ZNF804B: variants seen among roughly 807,000 people sequenced by gnomAD.
The protein encoded by ZNF804B is zinc finger protein 804B.
Under a neutral mutation model 101.4 loss-of-function variants are expected in ZNF804B, and 80 were observed. The ratio of observed to expected loss-of-function variants is 0.79; its 90% CI spans 0.66 to 0.95. The LOEUF is 0.95. ZNF804B is among the 40% of genes least tolerant of loss of function. The probability of loss-of-function intolerance (pLI) is 0.00; values close to 1 mark genes in which losing one functional copy is unlikely to be tolerated. For missense variants in ZNF804B, 1,673 were observed against 1,561.9 expected, an observed-to-expected ratio of 1.07 and a Z score of -1.20; for synonymous variants, 622 against 558.8, an observed-to-expected ratio of 1.11 and a Z score of -1.59.
intron 2 of ZNF804B, among the ~76,000 whole-genome samples, chr7:89,277,053 G>T (rs899824354): frequency 6.6e-6 from 1 of 150,414 alleles, no homozygotes; most frequent in African/African-American, 2.4e-5. Flanking sequence ...AGCAACTTTG[G>T]TCTGTTGTCA....
chr7:89,028,648 C>T (rs1199721340), intron 1 of ZNF804B, among the ~76,000 whole-genome samples: 3 of 152,084 alleles, frequency 2.0e-5, no homozygotes, highest in East Asian at 1.9e-4. Context: ...ATACAGTAAG[C>T]GTGCCATAAA....
chr7:88,794,070 A>C, intron 1 of ZNF804B: 2 of 766,200 alleles, frequency 2.6e-6, no homozygotes, highest in Non-Finnish European at 4.1e-6. Flanking sequence ...ACCTCTGTGT[A>C]TATTGCAATG....
chr7:89,171,370 C>T (rs1396980202), intron 1 of ZNF804B, among the ~76,000 whole-genome samples: 2 of 121,210 alleles, frequency 1.7e-5, no homozygotes, highest in African/African-American at 6.4e-5. Flanking sequence ...TCCTCTTCCT[C>T]TTCTTCCTCT....
At chr7:89,058,938 C>A (rs930298829) in intron 1 of ZNF804B, among the ~76,000 whole-genome samples, 38 of 106,714 alleles carry the variant, frequency 3.6e-4, no homozygotes, top group Non-Finnish European at 1.3e-4. Flanking sequence ...AAGTGATCTT[C>A]GAAGTTTGGC....
At chr7:88,805,447 A>G (rs1790669340) in intron 1 of ZNF804B, among the ~76,000 whole-genome samples, 1 of 152,146 alleles carries the variant, frequency 6.6e-6, no homozygotes, top group Non-Finnish European at 1.5e-5. Context: ...ATTATCCTGA[A>G]ACCTTCCCAG....
At chr7:88,916,018 T>G (rs1055784917) in intron 1 of ZNF804B, among the ~76,000 whole-genome samples, 1 of 151,996 alleles carries the variant, frequency 6.6e-6, no homozygotes, top group Non-Finnish European at 1.5e-5. Context: ...TCACCTTAAA[T>G]TTTTCCTGTA....
At chr7:89,304,242 A>G (rs1790526548) in intron 2 of ZNF804B, among the ~76,000 whole-genome samples, 1 of 151,814 alleles carries the variant, frequency 6.6e-6, no homozygotes. Flanking sequence ...ATAAGCAACA[A>G]TTGACAAGCA....
At chr7:88,980,380 G>A (rs1306511964) in intron 1 of ZNF804B, among the ~76,000 whole-genome samples, 1 of 151,964 alleles carries the variant, frequency 6.6e-6, no homozygotes, top group Non-Finnish European at 1.5e-5. Context: ...TTGGTGTTTG[G>A]GCATTGAGGA....
At chr7:88,890,800 T>G (rs1792203909) in intron 1 of ZNF804B, among the ~76,000 whole-genome samples, 1 of 152,164 alleles carries the variant, frequency 6.6e-6, no homozygotes, top group African/African-American at 2.4e-5. Context: ...TTCATTTTAT[T>G]ATAAATAACA....
At chr7:89,192,296 G>A (rs1231558485) in intron 1 of ZNF804B, among the ~76,000 whole-genome samples, 5 of 151,658 alleles carry the variant, frequency 3.3e-5, no homozygotes, top group Middle Eastern at 3.4e-3. Context: ...CCCCTGTACC[G>A]CTTCTTTCCC....
At chr7:88,837,926 GTTA>G (rs1791239357) in intron 1 of ZNF804B, among the ~76,000 whole-genome samples, 1 of 151,454 alleles carries the variant, frequency 6.6e-6, no homozygotes, top group African/African-American at 2.4e-5. Context: ...ACTAAAATGT[GTTA>G]TTTATTTAAA....
rs201883364 is a variant in ZNF804B at position 89,334,358 on chromosome 7, C to T, written c.1376C>T (p.Thr459Met). ...KDGHTTLQWP[T>M]ELLLFTKTEP... ...GGCCACACCACTCTTCAATGGCCTA[C>T]GGAACTTCTGCTCTTTACAAAAACA... The change falls in exon 4 of 4, where the codon ACG becomes ATG. Residue 459 changes from threonine (T) to methionine (M), a missense_variant. Thr to Met is a moderately conservative substitution (Grantham distance 81, BLOSUM62 -1). Coordinates refer to ENST00000333190, the MANE Select transcript of ZNF804B (RefSeq NM_181646.5). 509 of 1,613,830 alleles carry T rather than the reference C, an allele frequency of 3.2e-4. 1 individual carries two copies. Among genetic ancestry groups the T allele is most frequent in the East Asian group, 7.4e-4 (33 of 44,868 alleles).
intron 1 of ZNF804B, among the ~76,000 whole-genome samples, chr7:89,143,189 C>A (rs1790742733): frequency 6.6e-6 from 1 of 151,778 alleles, no homozygotes; most frequent in South Asian, 2.1e-4. Flanking sequence ...GTTGGTAAAG[C>A]CACATGTAAA....
At chr7:89,071,544 GAACA>G (rs1203997352) in intron 1 of ZNF804B, among the ~76,000 whole-genome samples, 1 of 152,046 alleles carries the variant, frequency 6.6e-6, no homozygotes, top group African/African-American at 2.4e-5. Context: ...AGTGCCCACA[GAACA>G]AACAATCACG....
intron 1 of ZNF804B, among the ~76,000 whole-genome samples, chr7:89,111,434 G>A (rs1361539140): frequency 2.2e-5 from 2 of 91,628 alleles, no homozygotes; most frequent in Non-Finnish European, 4.2e-5. Flanking sequence ...TAGTAGGTGT[G>A]TAGTATTGCC....
chr7:88,887,709 G>A (rs1792149730), intron 1 of ZNF804B, among the ~76,000 whole-genome samples: 1 of 151,018 alleles, frequency 6.6e-6, no homozygotes, highest in Non-Finnish European at 1.5e-5. Flanking sequence ...CCCAGCTTAT[G>A]TTTTACAAAG....
rs536183266 is a variant in ZNF804B, at chr7:89,272,628, C to T, written c.249+54333C>T. On this transcript the variant is annotated intron_variant, in intron 2 of 3. Coordinates refer to ENST00000333190, the MANE Select transcript of ZNF804B (RefSeq NM_181646.5). ...AAATAACTAAGTTTTCCCGCTACCCCTTTATGTTCCTGTCACTTTTAAAAA... is the reference window on the plus strand; with the variant it reads ...AAATAACTAAGTTTTCCCGCTACCCTTTTATGTTCCTGTCACTTTTAAAAA... Among the ~76,000 whole-genome samples the T allele has an allele frequency of 1.8e-4, 28 of 152,056 alleles. 1 individual carries two copies. The highest frequency in any genetic ancestry group is 4.0e-4 in the Non-Finnish European group (27 of 67,978).
intron 1 of ZNF804B, among the ~76,000 whole-genome samples, chr7:88,775,089 A>C (rs1479919400): frequency 6.6e-6 from 1 of 152,236 alleles, no homozygotes; most frequent in Admixed American, 6.5e-5. Flanking sequence ...GATAGGCAAC[A>C]AACAGATTTT....
chr7:88,882,861 G>C (rs145536330), intron 1 of ZNF804B, among the ~76,000 whole-genome samples: 1 of 151,986 alleles, frequency 6.6e-6, no homozygotes, highest in Non-Finnish European at 1.5e-5. Context: ...CTATTACAGC[G>C]GGGAAGGAGG....
Sources: allele counts gnomAD v4.1 joint callset (sites outside exome capture counted in the v4.1 genomes callset), GRCh38; gene constraint gnomAD v4.1.1; transcripts MANE v1.5; gene names NCBI Gene and HGNC (gene_info 2026-07-23, HGNC 2026-07-21).